The following CDH6 variants were observed in gnomAD, a reference collection of about 807,000 sequenced individuals.
The protein encoded by CDH6 is cadherin-6.
Under a neutral mutation model 78.0 loss-of-function variants are expected in CDH6, and 31 were observed. The ratio of observed to expected loss-of-function variants is 0.40; its 90% CI spans 0.30 to 0.54. The LOEUF is 0.54. Ranked by LOEUF, CDH6 falls within the 20% of genes least tolerant of loss-of-function variation. The probability of loss-of-function intolerance (pLI) is 0.56; values close to 1 mark genes in which losing one functional copy is unlikely to be tolerated. For missense variants in CDH6, 724 were observed against 975.9 expected, an observed-to-expected ratio of 0.74 and a Z score of 3.44; for synonymous variants, 376 against 368.8, an observed-to-expected ratio of 1.02 and a Z score of -0.23.
intron 5 of CDH6, among the ~76,000 whole-genome samples, chr5:31,300,398 A>C (rs1311302117): frequency 1.3e-5 from 2 of 152,224 alleles, no homozygotes; most frequent in Non-Finnish European, 2.9e-5. Context: ...TAAAAAAACT[A>C]ATCAGCTGAT....
intron 1 of CDH6, among the ~76,000 whole-genome samples, chr5:31,254,606 T>TG (rs952589185): frequency 2.0e-5 from 3 of 152,192 alleles, no homozygotes; most frequent in Non-Finnish European, 4.4e-5. Context: ...AGGCACCTAT[T>TG]GGGGGTCTTA....
chr5:31,255,104 C>T (rs1049276462), intron 1 of CDH6, among the ~76,000 whole-genome samples: 1 of 152,162 alleles, frequency 6.6e-6, no homozygotes, highest in African/African-American at 2.4e-5. Flanking sequence ...TGATATTCTA[C>T]CATGGAATAA....
chr5:31,313,226 T>A lies in CDH6; in HGVS notation c.1254-92T>A, dbSNP rs1311354823. The A allele has an allele frequency of 4.4e-6, 5 of 1,130,030 alleles. No homozygotes were observed. The South Asian group carries it at 8.2e-5, about 19-fold the overall frequency. The allele number at this position is 1,130,030 out of a possible 1,614,324, so 70.0% of individuals were successfully genotyped here. On this transcript the variant is annotated intron_variant, in intron 7 of 11. Coordinates refer to ENST00000265071, the MANE Select transcript of CDH6 (RefSeq NM_004932.4). Reference sequence around the variant, plus strand: ...AATTTATGCCACAGATACTCTGGGATATGATGTGTACCAGATGTTTTATGA... The same window carrying A: ...AATTTATGCCACAGATACTCTGGGAAATGATGTGTACCAGATGTTTTATGA...
At chr5:31,296,261 T>C (rs573323397) in intron 3 of CDH6, among the ~76,000 whole-genome samples, 2 of 152,296 alleles carry the variant, frequency 1.3e-5, no homozygotes, top group South Asian at 2.1e-4. Flanking sequence ...TAAGTGATCT[T>C]AATCCGAGAC....
intron 5 of CDH6, among the ~76,000 whole-genome samples, chr5:31,300,142 C>T (rs553394586): frequency 6.6e-6 from 1 of 152,086 alleles, no homozygotes; most frequent in Non-Finnish European, 1.5e-5. Flanking sequence ...GTTGAGATAC[C>T]GAAAGTTGTC....
intron 1 of CDH6, among the ~76,000 whole-genome samples, chr5:31,225,959 C>A (rs895898423): frequency 9.2e-5 from 14 of 152,112 alleles, no homozygotes; most frequent in African/African-American, 3.1e-4. Context: ...AGTACATACT[C>A]CATTCAACAT....
At chr5:31,297,436 A>AATCT in intron 4 of CDH6, 28 bp downstream of exon 4, 1 of 1,530,908 alleles carries the variant, frequency 6.5e-7, no homozygotes, top group East Asian at 2.3e-5. Flanking sequence ...TCCTTTTTAT[A>AATCT]ATCTATAATT....
rs1561065789 is a variant in CDH6, at chr5:31,302,780, GAGAGAGAGA to G, written c.999+483_999+491del. 1.2e-3 allele frequency among the ~76,000 whole-genome samples: 70 copies of G among 57,624 alleles called. 4 individuals are homozygous for G. The highest frequency in any genetic ancestry group is 2.0e-3 in the Non-Finnish European group (57 of 27,964). 37.8% of individuals were successfully genotyped at this position (57,624 alleles called of 152,430 possible). The stretch of plus-strand genomic sequence containing the variant: ...AAGAAAGAAAGAAAGAAAGAAGAAA[GAGAGAGAGA>G]GAGAGAGAGAGAAAGAAAGAAAGAA... On this transcript the variant is annotated intron_variant, in intron 6 of 11. Transcript: ENST00000265071.
intron 6 of CDH6, among the ~76,000 whole-genome samples, chr5:31,302,942 AGAAAGAAAGAAAGAAG>A (rs1737855973): frequency 1.5e-5 from 2 of 131,030 alleles, no homozygotes; most frequent in Admixed American, 7.9e-5. Flanking sequence ...AAAGAAAGAA[AGAAAGAAAGAAAGAAG>A]GAAAGAAAAG....
At chr5:31,322,489 TC>T (rs1341489801) in intron 11 of CDH6, among the ~76,000 whole-genome samples, 1 of 152,218 alleles carries the variant, frequency 6.6e-6, no homozygotes, top group East Asian at 1.9e-4. Flanking sequence ...TGCAGTACTT[TC>T]ACTGAGGCCG....
intron 1 of CDH6, among the ~76,000 whole-genome samples, chr5:31,259,554 A>G (rs1742154852): frequency 6.6e-6 from 1 of 152,236 alleles, no homozygotes; most frequent in South Asian, 2.1e-4. Flanking sequence ...TAAAAGAATT[A>G]ATGTAGCTGC....
chr5:31,203,245 TATTTA>T (rs1561020642), intron 1 of CDH6, among the ~76,000 whole-genome samples: 1 of 141,350 alleles, frequency 7.1e-6, no homozygotes, highest in African/African-American at 2.7e-5. Flanking sequence ...TTTTTTTTTT[TATTTA>T]TTTTTTATTA....
chr5:31,300,958 A>C (rs1339602634), intron 5 of CDH6, among the ~76,000 whole-genome samples: 1 of 151,756 alleles, frequency 6.6e-6, no homozygotes, highest in Non-Finnish European at 1.5e-5. Context: ...CTGTGTCTAC[A>C]ACAAGTAAAA....
chr5:31,194,109 C>T (rs746932335), intron 1 of CDH6, among the ~76,000 whole-genome samples: 2 of 151,794 alleles, frequency 1.3e-5, no homozygotes, highest in African/African-American at 4.8e-5. Flanking sequence ...CGCCGCTTCC[C>T]GGGGAGCCTG....
At chr5:31,274,913 C>T (rs993332203) in intron 2 of CDH6, among the ~76,000 whole-genome samples, 2 of 152,222 alleles carry the variant, frequency 1.3e-5, no homozygotes, top group Admixed American at 1.3e-4. Flanking sequence ...TACTTCCACA[C>T]TCCAACAAGT....
rs1561066578 is a variant in CDH6, at chr5:31,302,958, G to GAAAGAGA, written c.999+660_999+661insAAAGAGA. The stretch of plus-strand genomic sequence containing the variant: ...AAGAAAGAAAGAAAGAAAGAAAGAA[G>GAAAGAGA]GAAAGAAAAGAAAGAAAGAAAGAAA... On this transcript the variant is annotated intron_variant, in intron 6 of 11. Coordinates refer to ENST00000265071, the MANE Select transcript of CDH6 (RefSeq NM_004932.4). 4.7e-5 allele frequency among the ~76,000 whole-genome samples: 5 copies of GAAAGAGA among 106,152 alleles called. No individual in the cohort carries two copies. The East Asian group carries it at 1.2e-3, about 26-fold the overall frequency. 69.6% of individuals were successfully genotyped at this position (106,152 alleles called of 152,430 possible).
At chr5:31,302,955 G>GAAAGAAAGA (rs1390790947) in intron 6 of CDH6, among the ~76,000 whole-genome samples, 4 of 122,474 alleles carry the variant, frequency 3.3e-5, no homozygotes, top group Admixed American at 8.3e-5. Flanking sequence ...AAGAAAGAAA[G>GAAAGAAAGA]AAGGAAAGAA....
chr5:31,281,473 A>T (rs1444058220), intron 2 of CDH6, among the ~76,000 whole-genome samples: 1 of 152,084 alleles, frequency 6.6e-6, no homozygotes, highest in Admixed American at 6.6e-5. Flanking sequence ...TTTGACTGGG[A>T]TCTGGCTCTC....
rs769891699 is a variant in CDH6, at chr5:31,323,282, G to A, written c.2347G>A (p.Gly783Arg). The A allele has an allele frequency of 6.2e-7, 1 of 1,610,662 alleles. No individual in the cohort carries two copies. Among genetic ancestry groups the A allele is most frequent in the Non-Finnish European group, 8.5e-7 (1 of 1,177,144 alleles). ...RFKKLADMYG[G>R]VDSDKDS ...CAAAAAGCTTGCAGATATGTATGGA[G>A]GAGTGGACAGTGACAAAGACTCCTA... The change falls in exon 12 of 12, where the codon GGA (glycine) becomes AGA (arginine). Residue 783 changes from glycine (G) to arginine (R), a missense_variant. By Grantham distance (125) the Gly-to-Arg change is moderately radical. Around this residue, in one of 3 missense-constraint regions of CDH6, gnomAD observed 220 missense variants for 240.6 expected, o/e 0.91. Transcript: ENST00000265071.
Sources: allele counts gnomAD v4.1 joint callset (sites outside exome capture counted in the v4.1 genomes callset), GRCh38; gene constraint gnomAD v4.1.1; regional missense constraint gnomAD v4.1.1; transcripts MANE v1.5; gene names NCBI Gene and HGNC (gene_info 2026-07-23, HGNC 2026-07-21).